GNB1: variants seen among roughly 807,000 people sequenced by gnomAD.
GNB1 encodes the protein G protein subunit beta 1, also known as guanine nucleotide-binding protein G(I)/G(S)/G(T) subunit beta-1.
GNB1 carries 2 observed loss-of-function variants against 42.9 expected under a neutral mutation model. That is an observed-to-expected ratio of 0.05 (90% CI 0.02 to 0.15). The LOEUF (loss-of-function observed/expected upper bound fraction) is 0.15, where lower values mean the gene tolerates loss of function less well. Ranked by LOEUF, GNB1 falls within the 10% of genes least tolerant of loss-of-function variation. GNB1 has a pLI of 1.00. For missense variants in GNB1, 193 were observed against 462.2 expected, an observed-to-expected ratio of 0.42 and a Z score of 5.34; for synonymous variants, 183 against 174.7, an observed-to-expected ratio of 1.05 and a Z score of -0.38.
chr1:1,885,364 G>T (rs896394597), intron 1 of GNB1, among the ~76,000 whole-genome samples: 3 of 150,686 alleles, frequency 2.0e-5, no homozygotes, highest in African/African-American at 7.3e-5. Context: ...AGTGAGCCAG[G>T]ACAGCGCCAT....
chr1:1,804,657 C>A, intron 6 of GNB1, 76 bp from the exon 7 acceptor site: 1 of 1,132,492 alleles, frequency 8.8e-7, no homozygotes, highest in Non-Finnish European at 1.3e-6. Context: ...TTCTCATCTC[C>A]AACTTTCACT....
In GNB1 at chr1:1,785,796, A is replaced by G; in HGVS notation, c.*1267T>C. On this transcript the variant is annotated 3_prime_UTR_variant, in exon 12 of 12. Transcript: ENST00000378609. ...TCAGAATCCAACAGCAGTCGTTTGCAACAGAACTTTTTTTTTTTTAAAGAA... is the reference window on the plus strand; with the variant it reads ...TCAGAATCCAACAGCAGTCGTTTGCGACAGAACTTTTTTTTTTTTAAAGAA... The G allele has an allele frequency of 5.3e-6, 2 of 379,272 alleles. No individual in the cohort carries two copies. Among genetic ancestry groups the G allele is most frequent in the Non-Finnish European group, 9.3e-6 (2 of 215,572 alleles). The allele number at this position is 379,272 out of a possible 1,614,324, so 23.5% of individuals were successfully genotyped here. A position where few individuals can be genotyped will look rare whatever the true frequency, so the allele number is the denominator to read the frequency against.
Position 1,806,393 on chromosome 1 carries a change from G to A in GNB1, c.267+82C>T, listed in dbSNP as rs553106192. On this transcript the variant is annotated intron_variant, in intron 6 of 11. Coordinates refer to ENST00000378609, the MANE Select transcript of GNB1 (RefSeq NM_002074.5). The stretch of plus-strand genomic sequence containing the variant: ...TGCTGCCTTCCCTATCCTGTATTAC[G>A]TGATTTAACAAAATGAATCCAGAGC... The A allele has an allele frequency of 1.3e-3, 1,104 of 841,954 alleles. 16 individuals are homozygous for A. The South Asian group carries it at 0.013, about 10-fold the overall frequency. 52.2% of individuals were successfully genotyped at this position (841,954 alleles called of 1,614,324 possible).
intron 1 of GNB1, among the ~76,000 whole-genome samples, chr1:1,840,537 A>ACG (rs1191478285): frequency 8.5e-5 from 13 of 152,264 alleles, no homozygotes; most frequent in Admixed American, 7.8e-4. Flanking sequence ...CAAAACACAC[A>ACG]CGCACACACA....
At chr1:1,803,453 T>C (rs1646652867) in intron 7 of GNB1, among the ~76,000 whole-genome samples, 1 of 152,166 alleles carries the variant, frequency 6.6e-6, no homozygotes, top group African/African-American at 2.4e-5. Context: ...GTGGCTGTTT[T>C]TCATTTTTTG....
intron 8 of GNB1, among the ~76,000 whole-genome samples, chr1:1,791,072 G>C (rs1350526918): frequency 6.6e-6 from 1 of 152,122 alleles, no homozygotes; most frequent in African/African-American, 2.4e-5. Flanking sequence ...GAAGGCCAAT[G>C]CCAGGTAAAC....
At chr1:1,803,158 A>G (rs1433835071) in intron 7 of GNB1, among the ~76,000 whole-genome samples, 3 of 152,256 alleles carry the variant, frequency 2.0e-5, no homozygotes, top group East Asian at 3.8e-4. Flanking sequence ...CTGAGAACAA[A>G]TAATACAGCC....
chr1:1,821,359 G>C (rs1056242533), intron 3 of GNB1, among the ~76,000 whole-genome samples: 2 of 152,202 alleles, frequency 1.3e-5, no homozygotes, highest in Non-Finnish European at 2.9e-5. Context: ...GAATCCCTCT[G>C]AGAGCCTGTG....
At chr1:1,883,480 A>C (rs1649973499) in intron 1 of GNB1, among the ~76,000 whole-genome samples, 1 of 152,194 alleles carries the variant, frequency 6.6e-6, no homozygotes, top group Admixed American at 6.5e-5. Flanking sequence ...ATCTTATAAC[A>C]TTTGTTAACC....
At chr1:1,851,083 G>C (rs896792762) in intron 1 of GNB1, among the ~76,000 whole-genome samples, 1 of 151,912 alleles carries the variant, frequency 6.6e-6, no homozygotes, top group East Asian at 1.9e-4. Flanking sequence ...GCCTGACCAA[G>C]ATGGTGAAAC....
intron 1 of GNB1, among the ~76,000 whole-genome samples, chr1:1,850,062 A>G (rs966714726): frequency 1.3e-5 from 2 of 151,936 alleles, no homozygotes; most frequent in Non-Finnish European, 2.9e-5. Flanking sequence ...TCCGCCTCCC[A>G]GGTTCAAGTG....
rs70937196 is a variant in GNB1, at chr1:1,811,081, A to ATT, written c.204-4545_204-4544dup. On this transcript the variant is annotated intron_variant, in intron 5 of 11. Coordinates refer to ENST00000378609, the MANE Select transcript of GNB1 (RefSeq NM_002074.5). Reference sequence around the variant, plus strand: ...TGGGTATATATATACATATATATATATTTTTTTTTTTTTTCTTTTTTTGAG... The same window carrying ATT: ...TGGGTATATATATACATATATATATATTTTTTTTTTTTTTTTCTTTTTTTGAG... Among the ~76,000 whole-genome samples the ATT allele has an allele frequency of 6.6e-3, 483 of 73,124 alleles. 6 individuals are homozygous for ATT. Among genetic ancestry groups the ATT allele is most frequent in the African/African-American group, 0.016 (424 of 27,280 alleles). 48.0% of individuals were successfully genotyped at this position (73,124 alleles called of 152,430 possible).
At chr1:1,874,825 G>T (rs1003977341) in intron 1 of GNB1, among the ~76,000 whole-genome samples, 1 of 151,818 alleles carries the variant, frequency 6.6e-6, no homozygotes, top group African/African-American at 2.4e-5. Flanking sequence ...TGCCTCCTGA[G>T]CTTCGTTCTG....
intron 5 of GNB1, among the ~76,000 whole-genome samples, chr1:1,815,147 A>T (rs1646836034): frequency 1.3e-5 from 2 of 151,990 alleles, no homozygotes; most frequent in Admixed American, 6.6e-5. Context: ...GAAAAGAACA[A>T]ATAGGAGCCC....
chr1:1,793,187 G>T (rs892040527), intron 8 of GNB1, 58 bp downstream of exon 8: 4 of 1,007,784 alleles, frequency 4.0e-6, no homozygotes, highest in East Asian at 4.8e-5. Flanking sequence ...GTTCACAGAG[G>T]AATGTGCCAG....
intron 3 of GNB1, among the ~76,000 whole-genome samples, chr1:1,820,351 C>G (rs1174379934): frequency 1.0e-5 from 1 of 100,022 alleles, no homozygotes; most frequent in African/African-American, 4.3e-5. Flanking sequence ...GAGCGAGACT[C>G]TGTTTAAAAA....
At chr1:1,816,088 C>T (rs1284894801) in intron 4 of GNB1, among the ~76,000 whole-genome samples, 1 of 152,188 alleles carries the variant, frequency 6.6e-6, no homozygotes, top group Non-Finnish European at 1.5e-5. Context: ...CCCTGCCCTC[C>T]AATGCACGCA....
chr1:1,836,181 T>C (rs549230864), intron 2 of GNB1, among the ~76,000 whole-genome samples: 15 of 152,070 alleles, frequency 9.9e-5, no homozygotes, highest in Admixed American at 6.6e-4. Flanking sequence ...CTATAAGCAA[T>C]GTGGAGAGTC....
chr1:1,862,496 T>C (rs1570731286), intron 1 of GNB1, among the ~76,000 whole-genome samples: 1 of 151,972 alleles, frequency 6.6e-6, no homozygotes, highest in East Asian at 1.9e-4. Context: ...AGACAGGGTC[T>C]CGTTCAGTTG....
Sources: gnomAD v4.1 joint callset for allele counts (sites outside exome capture counted in the v4.1 genomes callset) on GRCh38, gnomAD v4.1.1 for gene constraint, MANE v1.5 for transcripts, NCBI Gene and HGNC (gene_info 2026-07-23, HGNC 2026-07-21) for gene names.